ZFHX3: variants seen among roughly 807,000 people sequenced by gnomAD.
ZFHX3 encodes zinc finger homeobox protein 3.
ZFHX3 carries 42 observed loss-of-function variants against 279.1 expected under a neutral mutation model. That is an observed-to-expected ratio of 0.15 (90% CI 0.12 to 0.19). The LOEUF is 0.19. Ranked by LOEUF, ZFHX3 falls within the 10% of genes least tolerant of loss-of-function variation. The pLI is 1.00. For missense variants in ZFHX3, 4,981 were observed against 4,754.0 expected (o/e 1.05, Z -1.40); for synonymous variants, 2,293 against 1,957.8 (o/e 1.17, Z -4.52).
chr16:73,769,491 C>T (rs1047804553), intron 1 of ZFHX3, among the ~76,000 whole-genome samples: 7 of 152,082 alleles, frequency 4.6e-5, no homozygotes, highest in African/African-American at 1.7e-4. Context: ...TACCATGCTA[C>T]CATTCTTATA....
chr16:73,724,258 C>G lies in ZFHX3; in HGVS notation c.-1607-44018G>C, dbSNP rs77658529. On this transcript the variant is annotated intron_variant, in intron 1 of 17. Coordinates refer to the ZFHX3 transcript ENST00000641206. ...TGTGTGAGCTGCCAAAATTTAAAACCTTTACTAGTCTCAGCAATTCTAATT... is the reference window on the plus strand; with the variant it reads ...TGTGTGAGCTGCCAAAATTTAAAACGTTTACTAGTCTCAGCAATTCTAATT... Among the ~76,000 whole-genome samples, 108 of 152,248 alleles carry G rather than the reference C, an allele frequency of 7.1e-4. 2 individuals are homozygous for G. In the South Asian group the frequency reaches 0.02, roughly 28 times the overall value.
At chr16:73,387,838 A>G (rs536932597) in intron 3 of ZFHX3, among the ~76,000 whole-genome samples, 3 of 152,086 alleles carry the variant, frequency 2.0e-5, no homozygotes, top group South Asian at 4.2e-4. Context: ...ACACCCAGGA[A>G]ACTTCCATAT....
In ZFHX3 at chr16:72,898,840, T is replaced by A. The variant is rs562819179; in HGVS notation, c.3217-8878A>T. ...TGAATGAACACCCCCTACATCTTCC[T>A]TATTTCATGGTAGGACCCTGAGGAA... On this transcript the variant is annotated intron_variant, in intron 3 of 9. Coordinates refer to ENST00000268489, the MANE Select transcript of ZFHX3 (RefSeq NM_006885.4). Among the ~76,000 whole-genome samples the A allele has an allele frequency of 2.0e-5, 3 of 151,920 alleles. No individual in the cohort carries two copies. In the South Asian group the frequency reaches 6.3e-4, roughly 32 times the overall value.
At chr16:73,295,923 C>A (rs1409243938) in intron 4 of ZFHX3, among the ~76,000 whole-genome samples, 2 of 152,226 alleles carry the variant, frequency 1.3e-5, no homozygotes, top group Admixed American at 1.3e-4. Flanking sequence ...GAAAAGCCAC[C>A]TGTGTCTCTT....
intron 3 of ZFHX3, among the ~76,000 whole-genome samples, chr16:72,931,451 ACACAC>A (rs1435216969): frequency 2.2e-4 from 27 of 122,980 alleles, no homozygotes; most frequent in Non-Finnish European, 4.2e-4. Flanking sequence ...ACACACACAC[ACACAC>A]TCTTCAGCTT....
At chr16:73,618,426 T>C (rs1216653416) in intron 2 of ZFHX3, among the ~76,000 whole-genome samples, 2 of 152,200 alleles carry the variant, frequency 1.3e-5, no homozygotes, top group African/African-American at 4.8e-5. Flanking sequence ...ATAATAAGCC[T>C]AGGAGGATTA....
intron 3 of ZFHX3, among the ~76,000 whole-genome samples, chr16:73,399,837 GGTGTGTGTGTGT>G (rs4011546): frequency 5.0e-4 from 74 of 148,284 alleles, no homozygotes; most frequent in African/African-American, 1.6e-3. Flanking sequence ...TGTGGTGTGT[GGTGTGTGTGTGT>G]GTGTGTGTGT....
Position 73,634,433 on chromosome 16 carries a change from AATATATATAT to A in ZFHX3, c.-1547+45737_-1547+45746del, listed in dbSNP as rs60477881. ...GGCAACTCAACCAGTTATTATGTAT[AATATATATAT>A]ATATATATATATATATATAAAATAT... On this transcript the variant is annotated intron_variant, in intron 2 of 17. Coordinates refer to the ZFHX3 transcript ENST00000641206. 5.2e-3 allele frequency among the ~76,000 whole-genome samples: 310 copies of A among 59,904 alleles called. 5 individuals are homozygous for A. Among genetic ancestry groups the A allele is most frequent in the African/African-American group, 0.013 (297 of 22,988 alleles). The allele number at this position is 59,904 out of a possible 152,430, so 39.3% of individuals were successfully genotyped here.
chr16:73,245,203 C>T (rs749273996), intron 5 of ZFHX3, among the ~76,000 whole-genome samples: 2 of 152,228 alleles, frequency 1.3e-5, no homozygotes, highest in Non-Finnish European at 2.9e-5. Flanking sequence ...TCTCCTCTTG[C>T]AAGATGTAAG....
intron 2 of ZFHX3, among the ~76,000 whole-genome samples, chr16:73,476,469 G>C (rs1309630392): frequency 1.3e-5 from 2 of 152,120 alleles, no homozygotes; most frequent in Non-Finnish European, 2.9e-5. Flanking sequence ...AGTCCACACT[G>C]CCACACTAAA....
chr16:73,670,280 T>A (rs1426079142), intron 2 of ZFHX3, among the ~76,000 whole-genome samples: 1 of 152,214 alleles, frequency 6.6e-6, no homozygotes, highest in African/African-American at 2.4e-5. Flanking sequence ...ACCACGCCAA[T>A]CTAAAATCTG....
intron 1 of ZFHX3, among the ~76,000 whole-genome samples, chr16:73,747,295 G>A (rs1328582738): frequency 6.6e-6 from 1 of 152,156 alleles, no homozygotes; most frequent in Non-Finnish European, 1.5e-5. Flanking sequence ...AAGTTGGGAG[G>A]ATTGCTTGAG....
At chr16:73,364,001 C>T (rs776053414) in intron 3 of ZFHX3, among the ~76,000 whole-genome samples, 1 of 151,958 alleles carries the variant, frequency 6.6e-6, no homozygotes, top group Non-Finnish European at 1.5e-5. Flanking sequence ...GGTGAAACCC[C>T]GTCTCTACTA....
chr16:73,277,563 T>C (rs142470061), intron 4 of ZFHX3, among the ~76,000 whole-genome samples: 184 of 152,320 alleles, frequency 1.2e-3, no homozygotes, highest in Middle Eastern at 3.4e-3. Flanking sequence ...TTTGTCCGCT[T>C]TGTAGATGTC....
At chr16:73,317,023 T>C (rs2015466104) in intron 4 of ZFHX3, among the ~76,000 whole-genome samples, 1 of 152,162 alleles carries the variant, frequency 6.6e-6, no homozygotes. Flanking sequence ...TAGCCAGGCC[T>C]CTTTTTAATA....
At chr16:73,824,324 CT>C (rs1375974610) in intron 1 of ZFHX3, among the ~76,000 whole-genome samples, 1 of 150,890 alleles carries the variant, frequency 6.6e-6, no homozygotes, top group Non-Finnish European at 1.5e-5. Flanking sequence ...AGCAAATGCC[CT>C]TTTCTTAATA....
intron 1 of ZFHX3, among the ~76,000 whole-genome samples, chr16:73,836,077 G>C (rs1235775900): frequency 6.6e-6 from 1 of 152,200 alleles, no homozygotes; most frequent in Non-Finnish European, 1.5e-5. Context: ...TCGAGGATGA[G>C]AACAATGTTT....
chr16:73,046,672 T>C (rs887493110), intron 1 of ZFHX3, among the ~76,000 whole-genome samples: 1 of 152,112 alleles, frequency 6.6e-6, no homozygotes, highest in African/African-American at 2.4e-5. Context: ...ATACACTATT[T>C]ATTTAGTGAC....
chr16:73,658,589 C>T (rs778630776), intron 2 of ZFHX3, among the ~76,000 whole-genome samples: 24 of 152,256 alleles, frequency 1.6e-4, no homozygotes, highest in South Asian at 2.1e-4. Context: ...AGGCATGAGC[C>T]GCCGTGCCTG....
Sources: allele counts gnomAD v4.1 joint callset (sites outside exome capture counted in the v4.1 genomes callset), GRCh38; gene constraint gnomAD v4.1.1; transcripts MANE v1.5; gene names NCBI Gene and HGNC (gene_info 2026-07-23, HGNC 2026-07-21).